SLCO1B3: variants seen among roughly 807,000 people sequenced by gnomAD.
SLCO1B3 encodes liver-specific organic anion transporter 2.
Under a neutral mutation model 71.8 loss-of-function variants are expected in SLCO1B3, and 72 were observed. That is an observed-to-expected ratio of 1.00 (90% CI 0.83 to 1.22). SLCO1B3 has a LOEUF of 1.22. Ranked by LOEUF, SLCO1B3 falls within the 50% of genes most tolerant of loss-of-function variation. The probability of loss-of-function intolerance (pLI) is 0.00; values close to 1 mark genes in which losing one functional copy is unlikely to be tolerated. For missense variants in SLCO1B3, 911 were observed against 819.7 expected (o/e 1.11, Z -1.36); for synonymous variants, 298 against 278.4 (o/e 1.07, Z -0.70).
chr12:20,864,268 C>T (rs1181034539), intron 8 of SLCO1B3, among the ~76,000 whole-genome samples: 2 of 151,818 alleles, frequency 1.3e-5, no homozygotes, highest in East Asian at 3.9e-4. Flanking sequence ...TTTATTGTAG[C>T]CCTTCTCACA....
rs190706289 is a variant in SLCO1B3, at chr12:20,817,728, C to T, written c.84+1906C>T. The stretch of plus-strand genomic sequence containing the variant: ...TCAGCCTCCTGAGTAGCTGGGACTA[C>T]AGGCACCCGCCACCACACCCAGCTA... On this transcript the variant is annotated intron_variant, in intron 3 of 15. Coordinates refer to ENST00000381545, the MANE Select transcript of SLCO1B3 (RefSeq NM_019844.4). Among the ~76,000 whole-genome samples the T allele has an allele frequency of 8.8e-3, 1,343 of 152,072 alleles. 9 individuals carry two copies. The highest frequency in any genetic ancestry group is 0.014 in the Non-Finnish European group (984 of 67,974).
chr12:20,895,104 C>T (rs1487073921), intron 13 of SLCO1B3, among the ~76,000 whole-genome samples: 1 of 152,144 alleles, frequency 6.6e-6, no homozygotes, highest in Admixed American at 6.5e-5. Flanking sequence ...CCCACTGGGT[C>T]CCTCCAACAA....
intron 3 of SLCO1B3, among the ~76,000 whole-genome samples, chr12:20,830,970 T>A (rs1864526647): frequency 6.6e-6 from 1 of 152,066 alleles, no homozygotes; most frequent in African/African-American, 2.4e-5. Flanking sequence ...GTGGAAGAAA[T>A]AAGATTTCCA....
At chr12:20,834,121 A>G (rs1370496524) in intron 3 of SLCO1B3, among the ~76,000 whole-genome samples, 3 of 144,480 alleles carry the variant, frequency 2.1e-5, no homozygotes, top group Middle Eastern at 0.011. Flanking sequence ...ATACATAGAT[A>G]TAATACATAC....
At position 20,883,616 on chromosome 12, in the gene SLCO1B3, T is replaced by C. The variant is rs752571263; in HGVS notation, c.1682+14T>C. On this transcript the variant is annotated intron_variant, in intron 13 of 15. Coordinates refer to ENST00000381545, the MANE Select transcript of SLCO1B3 (RefSeq NM_019844.4). Reference sequence around the variant, plus strand: ...GTTGACTGTGAAGTAAGTATGATCCTGTAAAACATTGTCATGTATATTAGA... The same window carrying C: ...GTTGACTGTGAAGTAAGTATGATCCCGTAAAACATTGTCATGTATATTAGA... The C allele has an allele frequency of 2.0e-6, 3 of 1,536,860 alleles. No individual in the cohort carries two copies. Among genetic ancestry groups the C allele is most frequent in the African/African-American group, 2.8e-5 (2 of 70,980 alleles).
In SLCO1B3 at chr12:20,838,607, G is replaced by A. The variant is rs144392326; in HGVS notation, c.85-16421G>A. ...CTAGACACCTAGGCTATATGTTATA[G>A]CCTATTGCTTTGAGGCTACAAACCT... On this transcript the variant is annotated intron_variant, in intron 3 of 15. Coordinates refer to ENST00000381545, the MANE Select transcript of SLCO1B3 (RefSeq NM_019844.4). Among the ~76,000 whole-genome samples the A allele has an allele frequency of 1.5e-4, 23 of 152,114 alleles. No homozygotes were observed. In the East Asian group the frequency reaches 3.3e-3, roughly 22 times the overall value.
intron 8 of SLCO1B3, among the ~76,000 whole-genome samples, chr12:20,869,533 TGTCCTTG>T (rs1188953150): frequency 3.9e-5 from 6 of 152,214 alleles, no homozygotes; most frequent in African/African-American, 1.4e-4. Context: ...GAACAGCTCG[TGTCCTTG>T]GTCTCTTGCC....
intron 15 of SLCO1B3, among the ~76,000 whole-genome samples, chr12:20,911,336 C>G (rs1866370160): frequency 6.6e-6 from 1 of 152,104 alleles, no homozygotes; most frequent in Admixed American, 6.6e-5. Context: ...AATGCAATGT[C>G]AAATTCAATT....
At chr12:20,879,774 G>T in intron 11 of SLCO1B3, 143 bp downstream of exon 11, 1 of 633,584 alleles carries the variant, frequency 1.6e-6, no homozygotes, top group East Asian at 3.3e-5. Flanking sequence ...TTCTTAAAAT[G>T]TCCATTTCCT....
chr12:20,874,390 T>C (rs1865537050), intron 8 of SLCO1B3, among the ~76,000 whole-genome samples: 2 of 152,166 alleles, frequency 1.3e-5, no homozygotes, highest in South Asian at 2.1e-4. Flanking sequence ...TGTATAGCAA[T>C]CTCTCAGTTA....
At chr12:20,907,456 C>A in intron 15 of SLCO1B3, among the ~76,000 whole-genome samples, 1 of 111,790 alleles carries the variant, frequency 8.9e-6, no homozygotes, top group South Asian at 3.8e-4. Flanking sequence ...CCCCTTCCTT[C>A]CCCTCCCTTC....
At position 20,902,009 on chromosome 12, in the gene SLCO1B3, T is replaced by C. The variant is rs564737601; in HGVS notation, c.1865+542T>C. The C allele has an allele frequency of 2.0e-5, 7 of 345,260 alleles. No individual in the cohort carries two copies. In the Admixed American group the frequency reaches 3.2e-4, roughly 16 times the overall value. 21.4% of individuals were successfully genotyped at this position (345,260 alleles called of 1,614,324 possible). A position where few individuals can be genotyped will look rare whatever the true frequency, so the allele number is the denominator to read the frequency against. On this transcript the variant is annotated intron_variant, in intron 15 of 15. Transcript: ENST00000381545. ...TAGAAGCATTAATTTGTAATTTATA[T>C]ATTGATCAATATATAAATTTGATTT...
chr12:20,816,864 A>G (rs1864203783), intron 3 of SLCO1B3, among the ~76,000 whole-genome samples: 1 of 152,094 alleles, frequency 6.6e-6, no homozygotes, highest in Non-Finnish European at 1.5e-5. Context: ...AGCATTTGTT[A>G]TTGCCTGTCT....
intron 4 of SLCO1B3, among the ~76,000 whole-genome samples, chr12:20,856,376 A>G (rs529171266): frequency 6.6e-5 from 10 of 152,294 alleles, no homozygotes; most frequent in African/African-American, 2.4e-4. Flanking sequence ...TGCAAGTCAC[A>G]TTCAAAAAAT....
chr12:20,865,594 A>G (rs1275746523), intron 8 of SLCO1B3, among the ~76,000 whole-genome samples: 1 of 152,088 alleles, frequency 6.6e-6, no homozygotes, highest in Non-Finnish European at 1.5e-5. Flanking sequence ...ACTTATACAT[A>G]GTTTTTTTGA....
At chr12:20,908,341 A>G (rs1248035545) in intron 15 of SLCO1B3, among the ~76,000 whole-genome samples, 1 of 152,202 alleles carries the variant, frequency 6.6e-6, no homozygotes, top group Non-Finnish European at 1.5e-5. Context: ...TCCCATCAGG[A>G]TGGTACATTT....
At chr12:20,830,550 G>T (rs941254241) in intron 3 of SLCO1B3, among the ~76,000 whole-genome samples, 1 of 152,096 alleles carries the variant, frequency 6.6e-6, no homozygotes, top group African/African-American at 2.4e-5. Context: ...ACCTACTCCT[G>T]GAGATATTTA....
intron 4 of SLCO1B3, among the ~76,000 whole-genome samples, chr12:20,856,705 G>A (rs1029608128): frequency 2.0e-5 from 3 of 152,122 alleles, no homozygotes; most frequent in African/African-American, 7.2e-5. Flanking sequence ...GATTAGAGGC[G>A]TGTGCCACCA....
chr12:20,854,892 G>C, intron 3 of SLCO1B3, 136 bp from the exon 4 acceptor site: 1 of 771,038 alleles, frequency 1.3e-6, no homozygotes, highest in Non-Finnish European at 2.1e-6. Flanking sequence ...GTTTCAACTT[G>C]TATAGGGAAA....
Sources: gnomAD v4.1 joint callset for allele counts (sites outside exome capture counted in the v4.1 genomes callset) on GRCh38, gnomAD v4.1.1 for gene constraint, MANE v1.5 for transcripts, NCBI Gene and HGNC (gene_info 2026-07-23, HGNC 2026-07-21) for gene names.